The following ATF7IP variants were observed in gnomAD, a reference collection of about 807,000 sequenced individuals.
ATF7IP encodes activating transcription factor 7-interacting protein 1.
In ATF7IP, 23 loss-of-function variants were observed where a neutral mutation model predicts 106.4. That is an observed-to-expected ratio of 0.22 (90% CI 0.16 to 0.31). The LOEUF (loss-of-function observed/expected upper bound fraction) is 0.31. Ranked by LOEUF, ATF7IP falls within the 10% of genes least tolerant of loss-of-function variation. ATF7IP has a pLI of 1.00. For missense variants in ATF7IP, 1,334 were observed against 1,524.3 expected, an observed-to-expected ratio of 0.88 and a Z score of 2.08; for synonymous variants, 542 against 539.0, an observed-to-expected ratio of 1.01 and a Z score of -0.08.
intron 6 of ATF7IP, among the ~76,000 whole-genome samples, chr12:14,449,568 A>AC (rs980092078): frequency 5.7e-5 from 5 of 88,316 alleles, no homozygotes; most frequent in South Asian, 4.4e-4. Context: ...TGGTTCCCCC[A>AC]CCCCCCGCCC....
chr12:14,419,720 AC>A (rs1941391259), intron 1 of ATF7IP, among the ~76,000 whole-genome samples: 1 of 151,694 alleles, frequency 6.6e-6, no homozygotes, highest in Non-Finnish European at 1.5e-5. Context: ...GTAATTAAAA[AC>A]CCTTAACATA....
intron 2 of ATF7IP, among the ~76,000 whole-genome samples, chr12:14,430,546 C>T (rs1412856093): frequency 6.6e-6 from 1 of 152,066 alleles, no homozygotes; most frequent in Non-Finnish European, 1.5e-5. Context: ...CCAGTCATGC[C>T]TTATTTTTCT....
At chr12:14,443,409 C>G (rs1371620849) in intron 5 of ATF7IP, among the ~76,000 whole-genome samples, 6 of 152,084 alleles carry the variant, frequency 3.9e-5, no homozygotes, top group African/African-American at 7.2e-5. Context: ...GTTTTATTCC[C>G]CAGCATAGAT....
intron 1 of ATF7IP, among the ~76,000 whole-genome samples, chr12:14,385,998 CAAATT>C (rs1170494829): frequency 6.6e-6 from 1 of 151,908 alleles, no homozygotes; most frequent in East Asian, 1.9e-4. Flanking sequence ...CTTCTTTGTT[CAAATT>C]ACTTTTTGCT....
chr12:14,424,355 G>T lies in ATF7IP; in HGVS notation c.440G>T (p.Gly147Val), dbSNP rs1318408129. 1.9e-6 allele frequency: 3 copies of T among 1,614,088 alleles called. No homozygotes were observed. Among genetic ancestry groups the T allele is most frequent in the Non-Finnish European group, 2.5e-6 (3 of 1,180,014 alleles). Residue 147 changes from glycine to valine, a missense_variant, in exon 2 of 15, where the codon GGA becomes GTA. Around this residue, in one of 10 missense-constraint regions of ATF7IP, gnomAD observed 438 missense variants for 405.3 expected, o/e 1.08. Coordinates refer to ENST00000261168, the MANE Select transcript of ATF7IP (RefSeq NM_018179.5). ...CTGGATGCCGGAGATCCAGCCTCCG[G>T]AGTACTGGCCTCTGGTGATTCCACC... ...GDLDAGDPAS[G>V]VLASGDSTSG...
intron 1 of ATF7IP, among the ~76,000 whole-genome samples, chr12:14,397,287 CTT>C (rs1485006491): frequency 6.6e-6 from 1 of 152,176 alleles, no homozygotes; most frequent in African/African-American, 2.4e-5. Context: ...GTATAAAAAT[CTT>C]TGAGTTCCTA....
intron 13 of ATF7IP, among the ~76,000 whole-genome samples, chr12:14,487,405 A>G (rs1453222341): frequency 6.6e-6 from 1 of 152,044 alleles, no homozygotes; most frequent in Non-Finnish European, 1.5e-5. Context: ...AAGCAAAGAG[A>G]GGTGTTTGGA....
intron 1 of ATF7IP, among the ~76,000 whole-genome samples, chr12:14,417,707 T>C (rs1052355755): frequency 1.3e-5 from 2 of 152,218 alleles, no homozygotes; most frequent in African/African-American, 2.4e-5. Flanking sequence ...GTAAATCTTA[T>C]CCATTTATGT....
At chr12:14,410,751 G>A (rs1449449665) in intron 1 of ATF7IP, among the ~76,000 whole-genome samples, 1 of 151,848 alleles carries the variant, frequency 6.6e-6, no homozygotes, top group African/African-American at 2.4e-5. Flanking sequence ...TTAAATGTAT[G>A]TATGTATGTA....
At chr12:14,390,053 C>T (rs76583882) in intron 1 of ATF7IP, among the ~76,000 whole-genome samples, 6,662 of 152,280 alleles carry the variant, frequency 0.044, 197 homozygotes, top group Non-Finnish European at 0.065. Context: ...GATGCTGTCT[C>T]CTTCAGATAG....
intron 10 of ATF7IP, among the ~76,000 whole-genome samples, chr12:14,469,614 T>A (rs1255480784): frequency 6.6e-6 from 1 of 152,138 alleles, no homozygotes; most frequent in African/African-American, 2.4e-5. Flanking sequence ...ATTATCAACA[T>A]AAGCTATAAA....
At chr12:14,381,295 G>A (rs369433035) in intron 1 of ATF7IP, among the ~76,000 whole-genome samples, 1 of 152,106 alleles carries the variant, frequency 6.6e-6, no homozygotes, top group Admixed American at 6.5e-5. Flanking sequence ...GTAGTAGCTC[G>A]ATCTAGGATC....
At chr12:14,376,851 G>A (rs1323628250) in intron 1 of ATF7IP, among the ~76,000 whole-genome samples, 3 of 152,010 alleles carry the variant, frequency 2.0e-5, no homozygotes, top group African/African-American at 7.2e-5. Flanking sequence ...GTTTGAATCC[G>A]GAAGGCAGAG....
At chr12:14,456,706 C>G in intron 7 of ATF7IP, 72 bp downstream of exon 7, 1 of 1,102,222 alleles carries the variant, frequency 9.1e-7, no homozygotes, top group Non-Finnish European at 1.4e-6. Context: ...GTCAAAGAAT[C>G]TTGCAGTGTA....
rs1945128250 is a variant in ATF7IP, at chr12:14,500,331, A to G, written c.*2258A>G. On this transcript the variant is annotated 3_prime_UTR_variant, in exon 15 of 15. Coordinates refer to ENST00000261168, the MANE Select transcript of ATF7IP (RefSeq NM_018179.5). The stretch of plus-strand genomic sequence containing the variant: ...AAGAAAGCCTATAGATTGCCAAAAA[A>G]TTAATTCTCCAAACCACCTTTCACT... 6.6e-6 allele frequency: 1 copy of G among 152,226 alleles called. No homozygotes were observed. The highest frequency in any genetic ancestry group is 6.5e-5 in the Admixed American group (1 of 15,278). 9.4% of individuals were successfully genotyped at this position (152,226 alleles called of 1,614,324 possible).
chr12:14,411,189 A>G (rs1404252398), intron 1 of ATF7IP, among the ~76,000 whole-genome samples: 1 of 152,304 alleles, frequency 6.6e-6, no homozygotes, highest in East Asian at 1.9e-4. Flanking sequence ...TGTTTCACAT[A>G]TTGTGGAACT....
At chr12:14,467,131 C>G (rs980843167) in intron 10 of ATF7IP, among the ~76,000 whole-genome samples, 7 of 152,006 alleles carry the variant, frequency 4.6e-5, no homozygotes, top group Admixed American at 2.0e-4. Context: ...CTACTTCTTT[C>G]CTGTATTAAC....
chr12:14,470,860 C>T (rs933438364), intron 10 of ATF7IP, among the ~76,000 whole-genome samples: 2 of 152,132 alleles, frequency 1.3e-5, no homozygotes, highest in African/African-American at 4.8e-5. Flanking sequence ...TTGTATCTGT[C>T]AGTTTATGAT....
rs1331665803 is a variant in ATF7IP at position 14,502,176 on chromosome 12, T to C, written c.*4103T>C. 1 of 152,224 alleles carries C rather than the reference T, an allele frequency of 6.6e-6. No homozygotes were observed. 9.4% of individuals were successfully genotyped at this position (152,224 alleles called of 1,614,324 possible). A position where few individuals can be genotyped will look rare whatever the true frequency, so the allele number is the denominator to read the frequency against. On this transcript the variant is annotated 3_prime_UTR_variant, in exon 15 of 15. Transcript: ENST00000261168. The stretch of plus-strand genomic sequence containing the variant: ...TTCCAGAAAAGTCAAGTCCCAGTAT[T>C]TGCAATATCAAATAACTCTAAAACC...
Sources: allele counts gnomAD v4.1 joint callset (sites outside exome capture counted in the v4.1 genomes callset), GRCh38; gene constraint gnomAD v4.1.1; regional missense constraint gnomAD v4.1.1; transcripts MANE v1.5; gene names NCBI Gene and HGNC (gene_info 2026-07-23, HGNC 2026-07-21).